COL6A6: variants seen among roughly 807,000 people sequenced by gnomAD.
COL6A6 encodes collagen alpha-6(VI) chain.
COL6A6 carries 183 observed loss-of-function variants against 208.6 expected under a neutral mutation model. The ratio of observed to expected loss-of-function variants is 0.88; its 90% CI spans 0.78 to 0.99. COL6A6 has a LOEUF of 0.99. Among genes scored for constraint, COL6A6 ranks in the 50% least tolerant of loss-of-function variants. The probability of loss-of-function intolerance (pLI) is 0.00; values close to 1 mark genes in which losing one functional copy is unlikely to be tolerated. For missense variants in COL6A6, 2,816 were observed against 2,815.2 expected, an observed-to-expected ratio of 1.00 and a Z score of -0.01; for synonymous variants, 973 against 1,011.8, an observed-to-expected ratio of 0.96 and a Z score of 0.73.
chr3:130,560,315 T>A lies in COL6A6; in HGVS notation c.-31-19T>A, dbSNP rs767648481. ...CAAATAATATCCACAACAATTTGTTTATATTTTTGCCTTTTCAGATTTGAA... is the reference window on the plus strand; with the variant it reads ...CAAATAATATCCACAACAATTTGTTAATATTTTTGCCTTTTCAGATTTGAA... On this transcript the variant is annotated intron_variant, in intron 1 of 36. Coordinates refer to ENST00000358511, the MANE Select transcript of COL6A6 (RefSeq NM_001102608.3). 1 of 1,435,116 alleles carries A rather than the reference T, an allele frequency of 7.0e-7. No individual in the cohort carries two copies. Among genetic ancestry groups the A allele is most frequent in the Non-Finnish European group, 9.7e-7 (1 of 1,028,008 alleles). The allele number at this position is 1,435,116 out of a possible 1,614,324, so 88.9% of individuals were successfully genotyped here.
At chr3:130,661,521 T>C (rs2065930159) in intron 34 of COL6A6, 116 bp from the exon 35 acceptor site, 1 of 775,248 alleles carries the variant, frequency 1.3e-6, no homozygotes, top group African/African-American at 1.8e-5. Flanking sequence ...TATTAAAGTA[T>C]TTAGTCACTA....
chr3:130,627,266 G>A (rs1576356945), intron 25 of COL6A6, 53 bp from the exon 26 acceptor site: 1 of 1,530,942 alleles, frequency 6.5e-7, no homozygotes, highest in Non-Finnish European at 9.0e-7. Context: ...TGAAGAATAA[G>A]CCTGTCTCTA....
chr3:130,626,648 C>T, intron 25 of COL6A6, 101 bp downstream of exon 25: 2 of 817,668 alleles, frequency 2.4e-6, no homozygotes, highest in Non-Finnish European at 4.2e-6. Context: ...ATACAATCCT[C>T]ATGAAGTTTT....
At chr3:130,566,631 CT>C in intron 4 of COL6A6, 70 bp from the exon 5 acceptor site, 1 of 1,300,486 alleles carries the variant, frequency 7.7e-7, no homozygotes. Context: ...ATTTGTTCTT[CT>C]TTCCATGTGC....
intron 6 of COL6A6, among the ~76,000 whole-genome samples, chr3:130,569,579 T>C (rs984504422): frequency 1.3e-5 from 2 of 152,316 alleles, no homozygotes; most frequent in African/African-American, 4.8e-5. Context: ...CAACTCCCAC[T>C]GGAAGGTTTG....
chr3:130,616,193 G>A (rs1217921688), intron 23 of COL6A6, among the ~76,000 whole-genome samples: 1 of 151,396 alleles, frequency 6.6e-6, no homozygotes, highest in East Asian at 1.9e-4. Flanking sequence ...TTCTTCACCG[G>A]TTCTATAAAT....
chr3:130,593,260 T>C lies in COL6A6; in HGVS notation c.4470+8T>C. 2 of 1,607,146 alleles carry C rather than the reference T, an allele frequency of 1.2e-6. No homozygotes were observed. The highest frequency in any genetic ancestry group is 1.7e-6 in the Non-Finnish European group (2 of 1,173,772). Reference sequence around the variant, plus strand: ...GGAGATGAGGGATCTCAGGTAGGGATTTGAAAAGGAAGAACATAAAAATTG... The same window carrying C: ...GGAGATGAGGGATCTCAGGTAGGGACTTGAAAAGGAAGAACATAAAAATTG... On this transcript the variant is annotated splice_region_variant and intron_variant, in intron 17 of 36. Coordinates refer to ENST00000358511, the MANE Select transcript of COL6A6 (RefSeq NM_001102608.3).
At chr3:130,634,681 GA>G (rs963452131) in intron 27 of COL6A6, 56 bp downstream of exon 27, 1 of 1,322,260 alleles carries the variant, frequency 7.6e-7, no homozygotes, top group Admixed American at 1.9e-5. Context: ...TGGGGTTTAT[GA>G]AATGTATCCT....
chr3:130,648,998 A>G, intron 32 of COL6A6, 71 bp from the exon 33 acceptor site: 1 of 1,261,618 alleles, frequency 7.9e-7, no homozygotes, highest in Non-Finnish European at 1.1e-6. Flanking sequence ...ATTTAAAATT[A>G]CTTTGCCTTC....
chr3:130,623,893 G>C (rs2064809750), intron 24 of COL6A6, among the ~76,000 whole-genome samples: 4 of 152,146 alleles, frequency 2.6e-5, no homozygotes, highest in Admixed American at 6.5e-5. Flanking sequence ...TGGATTTTGA[G>C]TAGAGTTCAA....
intron 3 of COL6A6, 69 bp downstream of exon 3, chr3:130,563,733 T>A: frequency 3.0e-6 from 3 of 1,006,994 alleles, no homozygotes; most frequent in East Asian, 2.4e-5. Context: ...GGGAGAGGAT[T>A]GAAATTCTAT....
chr3:130,627,909 G>A (rs565993571), intron 26 of COL6A6, among the ~76,000 whole-genome samples: 11 of 152,110 alleles, frequency 7.2e-5, no homozygotes, highest in Non-Finnish European at 1.3e-4. Context: ...CCACTAAGAA[G>A]TCAGAATGAA....
intron 6 of COL6A6, among the ~76,000 whole-genome samples, chr3:130,569,903 C>T (rs1034470990): frequency 2.0e-5 from 3 of 152,192 alleles, no homozygotes; most frequent in African/African-American, 2.4e-5. Flanking sequence ...AAGTGGCTGG[C>T]GAAAGAAGAA....
intron 1 of COL6A6, among the ~76,000 whole-genome samples, chr3:130,538,078 A>C (rs1197255218): frequency 6.6e-6 from 1 of 152,272 alleles, no homozygotes; most frequent in Non-Finnish European, 1.5e-5. Context: ...GATAGCATGC[A>C]AAGCTTTGCC....
At chr3:130,542,153 T>G (rs1298684015) in intron 1 of COL6A6, among the ~76,000 whole-genome samples, 1 of 151,842 alleles carries the variant, frequency 6.6e-6, no homozygotes. Flanking sequence ...TATTGATTTC[T>G]TTTTAAAATT....
At position 130,565,627 on chromosome 3, in the gene COL6A6, G is replaced by A; in HGVS notation, c.1282+13G>A. 10 of 1,594,818 alleles carry A rather than the reference G, an allele frequency of 6.3e-6. No homozygotes were observed. Among genetic ancestry groups the A allele is most frequent in the Non-Finnish European group, 8.5e-6 (10 of 1,170,738 alleles). On this transcript the variant is annotated intron_variant, in intron 4 of 36. Transcript: ENST00000358511. Reference sequence around the variant, plus strand: ...ACGCTCAAATCTGGTAAGGTCTTCTGCTGAAAGAAGGGTTGTTTGGATTCT... The same window carrying A: ...ACGCTCAAATCTGGTAAGGTCTTCTACTGAAAGAAGGGTTGTTTGGATTCT...
intron 23 of COL6A6, among the ~76,000 whole-genome samples, chr3:130,612,699 CCCCTCTGGTGAGGT>C (rs1347789258): frequency 6.6e-6 from 1 of 152,020 alleles, no homozygotes; most frequent in Non-Finnish European, 1.5e-5. Flanking sequence ...GAGAATGAGG[CCCCTCTGGTGAGGT>C]CTATGTACAT....
Position 130,563,549 on chromosome 3 carries a change from T to G in COL6A6, c.546T>G (p.Phe182Leu). 1 of 1,614,016 alleles carries G rather than the reference T, an allele frequency of 6.2e-7. No homozygotes were observed. The highest frequency in any genetic ancestry group is 1.1e-5 in the South Asian group (1 of 91,080). ...ENLKAMATSQ[F>L]HFNLRTVRDL... ...TGAAGGCCATGGCCACGTCTCAGTT[T>G]CATTTCAACCTTCGGACAGTCAGAG... Residue 182 changes from phenylalanine to leucine, a missense_variant, in exon 3 of 37, where the codon TTT (phenylalanine) becomes TTG (leucine). Transcript: ENST00000358511.
At chr3:130,643,723 T>C (rs2065383743) in intron 31 of COL6A6, among the ~76,000 whole-genome samples, 1 of 152,200 alleles carries the variant, frequency 6.6e-6, no homozygotes. Flanking sequence ...CATCTACAAA[T>C]GCATAATGAC....
Sources: gnomAD v4.1 joint callset for allele counts (sites outside exome capture counted in the v4.1 genomes callset) on GRCh38, gnomAD v4.1.1 for gene constraint, MANE v1.5 for transcripts, NCBI Gene and HGNC (gene_info 2026-07-23, HGNC 2026-07-21) for gene names.